Variants in JMJD1C observed in about 807,000 individuals in gnomAD.
The protein encoded by JMJD1C is jumonji domain-containing protein 1C.
A neutral mutation model predicts 245.3 loss-of-function variants in JMJD1C; 31 were observed. That is an observed-to-expected ratio of 0.13 (90% CI 0.09 to 0.17). The LOEUF (loss-of-function observed/expected upper bound fraction) is 0.17, where lower values mean the gene tolerates loss of function less well. JMJD1C is among the 10% of genes least tolerant of loss of function. The probability of loss-of-function intolerance (pLI) is 1.00; values close to 1 mark genes in which losing one functional copy is unlikely to be tolerated. For synonymous variants in JMJD1C, 1,057 were observed against 1,017.4 expected (o/e 1.04, Z -0.74); for missense variants, 2,691 against 3,000.2 (o/e 0.90, Z 2.41).
At chr10:63,262,228 G>C (rs1378238090) in intron 3 of JMJD1C, among the ~76,000 whole-genome samples, 1 of 152,066 alleles carries the variant, frequency 6.6e-6, no homozygotes, top group Non-Finnish European at 1.5e-5. Context: ...TGTACTGCTT[G>C]GACAACTGGT....
chr10:63,245,352 A>T (rs1190000365), intron 3 of JMJD1C, among the ~76,000 whole-genome samples: 1 of 151,930 alleles, frequency 6.6e-6, no homozygotes. Flanking sequence ...AAAGAAAAAG[A>T]TTTAATAGAC....
Position 63,380,370 on chromosome 10 carries a change from T to A in JMJD1C, c.281A>T (p.Asp94Val). 1 of 1,613,934 alleles carries A rather than the reference T, an allele frequency of 6.2e-7. No homozygotes were observed. The highest frequency in any genetic ancestry group is 8.5e-7 in the Non-Finnish European group (1 of 1,179,902). Residue 94 changes from aspartate (D) to valine (V), a missense_variant, in exon 2 of 26, where the codon GAC becomes GTC. By Grantham distance (152) the Asp-to-Val change is radical. Coordinates refer to ENST00000399262, the MANE Select transcript of JMJD1C (RefSeq NM_032776.3). ...EYHLIWAKRN[D>V]PSQTQGSKSK... Reference sequence around the variant, plus strand: ...CTTTGATCCCTGAGTCTGGCTAGGGTCATTCCTTTTGGCCCAGATTAAGTG... The same window carrying A: ...CTTTGATCCCTGAGTCTGGCTAGGGACATTCCTTTTGGCCCAGATTAAGTG...
rs906578664 is a variant in JMJD1C at position 63,496,383 on chromosome 10, T to C, written n.113+25355A>G. On this transcript the variant is annotated intron_variant and non_coding_transcript_variant, in intron 1 of 3. Coordinates refer to the JMJD1C transcript ENST00000633035. ...AAAAGAGAAAAAAAAATAAGATAAT[T>C]GGGGAAATATAGAAACTACCTAGGG... 4.6e-5 allele frequency among the ~76,000 whole-genome samples: 7 copies of C among 152,298 alleles called. No individual in the cohort carries two copies. In the East Asian group the frequency reaches 1.3e-3, roughly 29 times the overall value.
chr10:63,479,191 TGAGA>T (rs1009100446), intron 1 of JMJD1C, among the ~76,000 whole-genome samples: 1 of 151,704 alleles, frequency 6.6e-6, no homozygotes, highest in African/African-American at 2.4e-5. Flanking sequence ...TCAAACTTAA[TGAGA>T]GAGAGAAAAA....
chr10:63,380,691 T>C (rs947773867), intron 1 of JMJD1C, among the ~76,000 whole-genome samples: 1 of 152,222 alleles, frequency 6.6e-6, no homozygotes, highest in Non-Finnish European at 1.5e-5. Flanking sequence ...AATCCTCTTC[T>C]AGCTATTTTG....
chr10:63,278,534 A>AAAGC (rs1003737102), intron 2 of JMJD1C, among the ~76,000 whole-genome samples: 5 of 151,286 alleles, frequency 3.3e-5, no homozygotes, highest in Non-Finnish European at 7.4e-5. Context: ...AAAAAAATCA[A>AAAGC]AAGCAAGCAA....
At chr10:63,408,239 T>TA in intron 1 of JMJD1C, among the ~76,000 whole-genome samples, 1 of 151,912 alleles carries the variant, frequency 6.6e-6, no homozygotes, top group Non-Finnish European at 1.5e-5. Context: ...CCCTCTCTAC[T>TA]AAAAATACAA....
chr10:63,176,926 A>G (rs1277129375), intron 23 of JMJD1C: 2 of 153,188 alleles, frequency 1.3e-5, no homozygotes, highest in Non-Finnish European at 2.9e-5. Flanking sequence ...AACACTTGAA[A>G]AATCAATTTC....
chr10:63,209,595 GAAT>G (rs1292893305), intron 8 of JMJD1C, among the ~76,000 whole-genome samples: 1 of 152,046 alleles, frequency 6.6e-6, no homozygotes, highest in African/African-American at 2.4e-5. Flanking sequence ...AGTAAAAACA[GAAT>G]ATTATTCCTA....
intron 2 of JMJD1C, among the ~76,000 whole-genome samples, chr10:63,282,718 C>A (rs1589380042): frequency 6.6e-6 from 1 of 152,054 alleles, no homozygotes; most frequent in East Asian, 1.9e-4. Flanking sequence ...CACTAAAACT[C>A]TAGGTTTTCT....
At chr10:63,170,402 T>C (rs1842238010) in intron 24 of JMJD1C, among the ~76,000 whole-genome samples, 1 of 152,226 alleles carries the variant, frequency 6.6e-6, no homozygotes, top group Non-Finnish European at 1.5e-5. Context: ...GGGTTTGCTG[T>C]TGTTGATTCC....
intron 14 of JMJD1C, among the ~76,000 whole-genome samples, chr10:63,194,041 A>C (rs1449003617): frequency 6.6e-6 from 1 of 152,240 alleles, no homozygotes; most frequent in Non-Finnish European, 1.5e-5. Context: ...GCTTTCATTA[A>C]AAATCCAATA....
intron 1 of JMJD1C, among the ~76,000 whole-genome samples, chr10:63,398,668 G>T: frequency 6.7e-6 from 1 of 148,516 alleles, no homozygotes. Context: ...TTTTGAGACA[G>T]ACTCTCACTC....
In JMJD1C at chr10:63,207,258, A is replaced by T; in HGVS notation, c.4411T>A (p.Ser1471Thr). The T allele has an allele frequency of 6.2e-7, 1 of 1,613,984 alleles. No individual in the cohort carries two copies. Among genetic ancestry groups the T allele is most frequent in the Non-Finnish European group, 8.5e-7 (1 of 1,180,010 alleles). ...SKTGSVVQPS[S>T]GFSGTTDFIH... Reference sequence around the variant, plus strand: ...AAATCAGTTGTGCCTGAGAACCCAGAACTGGGTTGAACAACACTTCCTGTC... The same window carrying T: ...AAATCAGTTGTGCCTGAGAACCCAGTACTGGGTTGAACAACACTTCCTGTC... The change falls in exon 10 of 26, where the codon TCT becomes ACT. Residue 1471 changes from serine to threonine, a missense_variant. Ser to Thr is a moderately conservative substitution (Grantham distance 58). This residue lies in a region of JMJD1C where 1,562 missense variants were observed against 1,490.7 expected (regional missense o/e 1.05). Transcript: ENST00000399262.
At chr10:63,496,051 T>C (rs967412149) in intron 1 of JMJD1C, among the ~76,000 whole-genome samples, 1 of 124,444 alleles carries the variant, frequency 8.0e-6, no homozygotes, top group African/African-American at 3.0e-5. Context: ...AAAAAAAAAT[T>C]AAAAAAAAAA....
intron 1 of JMJD1C, among the ~76,000 whole-genome samples, chr10:63,495,406 T>C (rs898222574): frequency 1.3e-5 from 2 of 149,572 alleles, no homozygotes; most frequent in South Asian, 4.2e-4. Flanking sequence ...CAAGAATTCA[T>C]AAAAAAAAAA....
At chr10:63,493,835 T>C (rs1954260429) in intron 1 of JMJD1C, among the ~76,000 whole-genome samples, 1 of 152,094 alleles carries the variant, frequency 6.6e-6, no homozygotes. Context: ...ACTGGGAAAA[T>C]AACAAAGCTC....
chr10:63,206,533 C>T (rs1403603615), intron 10 of JMJD1C, 62 bp downstream of exon 10: 11 of 1,317,320 alleles, frequency 8.4e-6, no homozygotes, highest in African/African-American at 1.5e-5. Flanking sequence ...TAAAGCAGCA[C>T]ACTAGTATAG....
chr10:63,430,267 T>C lies in JMJD1C; in HGVS notation c.168+35228A>G, dbSNP rs1950669019. Among the ~76,000 whole-genome samples, 3 of 152,320 alleles carry C rather than the reference T, an allele frequency of 2.0e-5. No homozygotes were observed. In the South Asian group the frequency reaches 6.2e-4, roughly 32 times the overall value. On this transcript the variant is annotated intron_variant, in intron 1 of 25. Coordinates refer to ENST00000399262, the MANE Select transcript of JMJD1C (RefSeq NM_032776.3). ...AGAAGAAAACATATAAGAATATCTT[T>C]GTGACATTGAGTTGGGCAATGGTTT...
Sources: allele counts gnomAD v4.1 joint callset (sites outside exome capture counted in the v4.1 genomes callset), GRCh38; gene constraint gnomAD v4.1.1; regional missense constraint gnomAD v4.1.1; transcripts MANE v1.5; gene names NCBI Gene and HGNC (gene_info 2026-07-23, HGNC 2026-07-21).